SDK1: variants seen among roughly 807,000 people sequenced by gnomAD.
SDK1 encodes protein sidekick-1.
In SDK1, 157 loss-of-function variants were observed where a neutral mutation model predicts 245.5. The observed-to-expected ratio is 0.64, with a 90% CI of 0.56 to 0.73. The LOEUF (loss-of-function observed/expected upper bound fraction) is 0.73, where lower values mean the gene tolerates loss of function less well. Ranked by LOEUF, SDK1 falls within the 30% of genes least tolerant of loss-of-function variation. SDK1 has a pLI of 0.00. For missense variants in SDK1, 3,583 were observed against 3,002.3 expected (o/e 1.19, Z -4.52); for synonymous variants, 1,647 against 1,278.5 (o/e 1.29, Z -6.15).
At chr7:3,817,214 A>G (rs1779529868) in intron 4 of SDK1, among the ~76,000 whole-genome samples, 1 of 152,198 alleles carries the variant, frequency 6.6e-6, no homozygotes, top group Non-Finnish European at 1.5e-5. Flanking sequence ...AAATGTTCAC[A>G]TCATGAAAAT....
At chr7:4,191,175 G>A (rs999556252) in intron 35 of SDK1, among the ~76,000 whole-genome samples, 37 of 152,208 alleles carry the variant, frequency 2.4e-4, no homozygotes, top group African/African-American at 8.7e-4. Context: ...CGGTCACAGT[G>A]GGTGTCCTCA....
chr7:3,322,274 G>A (rs1157594867), intron 1 of SDK1, among the ~76,000 whole-genome samples: 1 of 152,082 alleles, frequency 6.6e-6, no homozygotes, highest in African/African-American at 2.4e-5. Context: ...TTTGCCTGGT[G>A]TGATGTTTGA....
intron 25 of SDK1, among the ~76,000 whole-genome samples, chr7:4,115,550 G>C (rs1427577538): frequency 2.6e-5 from 4 of 152,176 alleles, no homozygotes; most frequent in Non-Finnish European, 5.9e-5. Context: ...CATTGTTTTT[G>C]CTGTCGTAGA....
intron 28 of SDK1, among the ~76,000 whole-genome samples, chr7:4,134,167 A>C (rs1464859569): frequency 6.6e-6 from 1 of 152,200 alleles, no homozygotes; most frequent in African/African-American, 2.4e-5. Flanking sequence ...AGTCTTCTGC[A>C]CAAGGAGGCT....
At chr7:3,931,756 G>A (rs938418121) in intron 5 of SDK1, among the ~76,000 whole-genome samples, 4 of 152,260 alleles carry the variant, frequency 2.6e-5, no homozygotes, top group South Asian at 2.1e-4. Flanking sequence ...CTTATGGGGC[G>A]TTTTACTTCT....
At chr7:3,785,156 T>A (rs1780860519) in intron 4 of SDK1, among the ~76,000 whole-genome samples, 1 of 151,766 alleles carries the variant, frequency 6.6e-6, no homozygotes, top group South Asian at 2.1e-4. Context: ...AAACAATAAC[T>A]CATAGCAGCA....
chr7:4,242,090 C>T (rs1786561342), intron 43 of SDK1, among the ~76,000 whole-genome samples, 177 bp downstream of exon 43: 3 of 152,146 alleles, frequency 2.0e-5, no homozygotes, highest in Admixed American at 1.3e-4. Flanking sequence ...CTAGGAGGGA[C>T]GGGGTCGGCA....
intron 4 of SDK1, among the ~76,000 whole-genome samples, chr7:3,809,118 C>G (rs1030834843): frequency 9.9e-5 from 15 of 152,116 alleles, no homozygotes; most frequent in Middle Eastern, 6.8e-3. Context: ...GGCATCTGCA[C>G]CTGGGGAGGC....
chr7:4,212,434 C>T (rs1784557732), intron 38 of SDK1, among the ~76,000 whole-genome samples: 1 of 152,100 alleles, frequency 6.6e-6, no homozygotes, highest in Non-Finnish European at 1.5e-5. Flanking sequence ...AAAATCACGT[C>T]TTAGACAATC....
intron 2 of SDK1, among the ~76,000 whole-genome samples, chr7:3,632,223 C>T (rs1320813925): frequency 6.6e-6 from 1 of 152,176 alleles, no homozygotes; most frequent in Non-Finnish European, 1.5e-5. Context: ...ATCTGTGCTT[C>T]ACTAAATATG....
Position 4,178,456 on chromosome 7 carries a change from G to A in SDK1, c.4997-29G>A, listed in dbSNP as rs369745492. The A allele has an allele frequency of 4.5e-5, 69 of 1,522,414 alleles. No individual in the cohort carries two copies. In the African/African-American group the frequency reaches 7.5e-4, roughly 17 times the overall value. The allele number at this position is 1,522,414 out of a possible 1,614,324, so 94.3% of individuals were successfully genotyped here. On this transcript the variant is annotated intron_variant, in intron 34 of 44. Coordinates refer to ENST00000404826, the MANE Select transcript of SDK1 (RefSeq NM_152744.4). ...GAAAGAGAAGGTGGTCCTGGTGGAA[G>A]CTGATCCATATTTCCTTCAACCCTG...
At chr7:3,623,569 A>T (rs1395893314) in intron 2 of SDK1, among the ~76,000 whole-genome samples, 3 of 152,100 alleles carry the variant, frequency 2.0e-5, no homozygotes, top group African/African-American at 7.2e-5. Context: ...ATTGATGCTC[A>T]TGTCTACATT....
chr7:3,769,816 G>A (rs1017115004), intron 4 of SDK1, among the ~76,000 whole-genome samples: 7 of 151,794 alleles, frequency 4.6e-5, no homozygotes, highest in African/African-American at 1.2e-4. Context: ...TCTTTGTTGC[G>A]ATCTTCCTCC....
intron 1 of SDK1, among the ~76,000 whole-genome samples, chr7:3,543,007 T>C (rs1779100944): frequency 1.3e-5 from 2 of 152,220 alleles, no homozygotes; most frequent in African/African-American, 2.4e-5. Flanking sequence ...GATTACACTT[T>C]ATGGCAAGGT....
rs145269588 is a variant in SDK1, at chr7:3,490,634, G to A, written c.299-128446G>A. Among the ~76,000 whole-genome samples the A allele has an allele frequency of 7.9e-4, 120 of 152,280 alleles. 4 individuals are homozygous for A. The East Asian group carries it at 0.023, about 29-fold the overall frequency. On this transcript the variant is annotated intron_variant, in intron 1 of 44. Transcript: ENST00000404826. The stretch of plus-strand genomic sequence containing the variant: ...ATAGAATTCAGTATGAACACATGAA[G>A]ACCTGCATGCTTAAACAGACTAATT...
intron 16 of SDK1, among the ~76,000 whole-genome samples, chr7:4,014,855 T>C (rs1786269071): frequency 6.6e-6 from 1 of 152,160 alleles, no homozygotes; most frequent in African/African-American, 2.4e-5. Context: ...CCTGTGACTA[T>C]CACAAAAGCA....
chr7:3,312,391 A>G (rs925608784), intron 1 of SDK1, among the ~76,000 whole-genome samples: 2 of 152,198 alleles, frequency 1.3e-5, no homozygotes, highest in Non-Finnish European at 2.9e-5. Context: ...GAGAGTTAGC[A>G]GATGAATAGT....
At chr7:3,339,922 C>G (rs373421885) in intron 1 of SDK1, among the ~76,000 whole-genome samples, 3 of 151,900 alleles carry the variant, frequency 2.0e-5, no homozygotes, top group African/African-American at 7.3e-5. Context: ...AAAGTTATTT[C>G]TTTGAAAAGA....
intron 25 of SDK1, among the ~76,000 whole-genome samples, chr7:4,124,050 C>T (rs999227839): frequency 9.8e-5 from 15 of 152,346 alleles, no homozygotes; most frequent in East Asian, 5.8e-4. Flanking sequence ...CATCCTCAGC[C>T]GCTGGCCCTG....
Sources: allele counts gnomAD v4.1 joint callset (sites outside exome capture counted in the v4.1 genomes callset), GRCh38; gene constraint gnomAD v4.1.1; transcripts MANE v1.5; gene names NCBI Gene and HGNC (gene_info 2026-07-23, HGNC 2026-07-21).